HECW1: variants seen among roughly 807,000 people sequenced by gnomAD.
HECW1 encodes the protein HECT, C2 and WW domain containing E3 ubiquitin protein ligase 1.
Under a neutral mutation model 182.3 loss-of-function variants are expected in HECW1, and 61 were observed. The ratio of observed to expected loss-of-function variants is 0.33; its 90% confidence interval spans 0.27 to 0.41. HECW1 has a LOEUF of 0.41. Ranked by LOEUF, HECW1 falls within the 10% of genes least tolerant of loss-of-function variation. The probability of loss-of-function intolerance (pLI) is 1.00; values close to 1 mark genes in which losing one functional copy is unlikely to be tolerated. For synonymous variants in HECW1, 859 were observed against 832.6 expected (o/e 1.03, Z -0.55); for missense variants, 1,739 against 2,108.9 (o/e 0.82, Z 3.44).
intron 6 of HECW1, among the ~76,000 whole-genome samples, chr7:43,373,807 G>A (rs189074923): frequency 1.7e-4 from 26 of 152,020 alleles, no homozygotes; most frequent in Admixed American, 1.0e-3. Context: ...CCCCATCCTC[G>A]GAGCCCTTGG....
At position 43,418,711 on chromosome 7, in the gene HECW1, TTCA is replaced by T. The variant is rs145047546; in HGVS notation, c.801+10985_801+10987del. 4.9e-3 allele frequency among the ~76,000 whole-genome samples: 751 copies of T among 152,354 alleles called. 7 individuals are homozygous for T. Among genetic ancestry groups the T allele is most frequent in the African/African-American group, 0.017 (706 of 41,576 alleles). The stretch of plus-strand genomic sequence containing the variant: ...TGATGATATTTCTTACCTATCTATA[TTCA>T]TCATAAGTTAATATTTTCCTTTACC... On this transcript the variant is annotated intron_variant, in intron 8 of 29. Coordinates refer to ENST00000395891, the MANE Select transcript of HECW1 (RefSeq NM_015052.5).
intron 2 of HECW1, among the ~76,000 whole-genome samples, chr7:43,141,615 C>T (rs1238044094): frequency 2.0e-5 from 3 of 152,014 alleles, no homozygotes; most frequent in Non-Finnish European, 4.4e-5. Flanking sequence ...TCTCCTGCCT[C>T]AAGCATCCTG....
At chr7:43,485,860 A>T (rs1460994199) in intron 17 of HECW1, among the ~76,000 whole-genome samples, 1 of 151,922 alleles carries the variant, frequency 6.6e-6, no homozygotes, top group Non-Finnish European at 1.5e-5. Flanking sequence ...GCTACACTAA[A>T]TTTTTTTTAT....
intron 8 of HECW1, among the ~76,000 whole-genome samples, chr7:43,415,191 A>C (rs1296541139): frequency 6.7e-6 from 1 of 149,422 alleles, no homozygotes; most frequent in East Asian, 1.9e-4. Context: ...CATGTTTAGC[A>C]CTTCCTTCAG....
intron 3 of HECW1, among the ~76,000 whole-genome samples, chr7:43,308,247 T>TG (rs1807995769): frequency 6.1e-5 from 2 of 32,608 alleles, no homozygotes; most frequent in African/African-American, 1.2e-3. Context: ...ATATATAATA[T>TG]ATATATATTA....
chr7:43,386,342 G>C (rs1317223377), intron 6 of HECW1, among the ~76,000 whole-genome samples: 1 of 152,206 alleles, frequency 6.6e-6, no homozygotes, highest in African/African-American at 2.4e-5. Context: ...AATTCTGCCT[G>C]CTGCAAAGGC....
At chr7:43,276,329 C>G (rs573141781) in intron 3 of HECW1, among the ~76,000 whole-genome samples, 1 of 152,256 alleles carries the variant, frequency 6.6e-6, no homozygotes, top group Non-Finnish European at 1.5e-5. Flanking sequence ...GAGAATTCCC[C>G]TTATGTCCCA....
chr7:43,327,671 G>A (rs1419595011), intron 5 of HECW1, among the ~76,000 whole-genome samples: 2 of 152,124 alleles, frequency 1.3e-5, no homozygotes, highest in African/African-American at 2.4e-5. Flanking sequence ...AATCTTGCTA[G>A]AGAGGCATCC....
chr7:43,486,491 C>T (rs113691110), intron 17 of HECW1, among the ~76,000 whole-genome samples: 24,889 of 152,118 alleles, frequency 0.16, 2,607 homozygotes, highest in South Asian at 0.23. Context: ...TTAGTAGAGA[C>T]GGGGTTTCAC....
At chr7:43,380,001 C>T (rs534628205) in intron 6 of HECW1, among the ~76,000 whole-genome samples, 121 of 152,332 alleles carry the variant, frequency 7.9e-4, no homozygotes, top group African/African-American at 2.8e-3. Flanking sequence ...TTGTATCCAA[C>T]AAACATGGGT....
At chr7:43,292,295 G>T (rs1258925449) in intron 3 of HECW1, among the ~76,000 whole-genome samples, 1 of 152,174 alleles carries the variant, frequency 6.6e-6, no homozygotes, top group Non-Finnish European at 1.5e-5. Context: ...GCTCAGAGAG[G>T]CCAACTAGCT....
chr7:43,469,495 G>A (rs1424924797), intron 16 of HECW1, among the ~76,000 whole-genome samples: 1 of 152,206 alleles, frequency 6.6e-6, no homozygotes, highest in Non-Finnish European at 1.5e-5. Context: ...CTCAGGGGAT[G>A]AACTCATTGG....
At chr7:43,554,871 C>A in intron 29 of HECW1, 81 bp downstream of exon 29, 2 of 1,303,536 alleles carry the variant, frequency 1.5e-6, no homozygotes, top group Non-Finnish European at 2.1e-6. Flanking sequence ...GAGTGACCAT[C>A]CTTTGGGATG....
At chr7:43,387,714 C>CA (rs1293326126) in intron 6 of HECW1, among the ~76,000 whole-genome samples, 1 of 152,200 alleles carries the variant, frequency 6.6e-6, no homozygotes, top group African/African-American at 2.4e-5. Flanking sequence ...CAAAGGGCAA[C>CA]AGATTTCTCC....
intron 5 of HECW1, among the ~76,000 whole-genome samples, chr7:43,321,698 G>A (rs1461565783): frequency 6.6e-6 from 1 of 152,190 alleles, no homozygotes; most frequent in South Asian, 2.1e-4. Flanking sequence ...TGCATGGCTA[G>A]GAATCTGAAG....
At position 43,164,491 on chromosome 7, in the gene HECW1, G is replaced by A. The variant is rs1342935616; in HGVS notation, c.-32+50100G>A. Reference sequence around the variant, plus strand: ...TCTGGATCGAGCCTTGAGTGGAGGGGGCTGCTCGGCATCTGTGCTGTGTGC... The same window carrying A: ...TCTGGATCGAGCCTTGAGTGGAGGGAGCTGCTCGGCATCTGTGCTGTGTGC... On this transcript the variant is annotated intron_variant, in intron 2 of 29. Coordinates refer to ENST00000395891, the MANE Select transcript of HECW1 (RefSeq NM_015052.5). Among the ~76,000 whole-genome samples, 12 of 152,258 alleles carry A rather than the reference G, an allele frequency of 7.9e-5. No individual in the cohort carries two copies. In the East Asian group the frequency reaches 1.6e-3, roughly 20 times the overall value.
At chr7:43,526,905 A>G (rs73100742) in intron 24 of HECW1, among the ~76,000 whole-genome samples, 24,242 of 152,124 alleles carry the variant, frequency 0.16, 2,518 homozygotes, top group Non-Finnish European at 0.24. Context: ...CTAAGGCGAG[A>G]GGATCACTTA....
chr7:43,533,834 C>T (rs1272913597), intron 24 of HECW1, among the ~76,000 whole-genome samples: 1 of 152,120 alleles, frequency 6.6e-6, no homozygotes, highest in Non-Finnish European at 1.5e-5. Context: ...CTTTGGGTCT[C>T]CCAAGTCTGA....
intron 24 of HECW1, chr7:43,523,025 T>A (rs1479077301): frequency 2.2e-6 from 1 of 447,290 alleles, no homozygotes; most frequent in Non-Finnish European, 4.5e-6. Context: ...TGTTTTGAGA[T>A]GGAATTTCGC....
Sources: allele counts gnomAD v4.1 joint callset (sites outside exome capture counted in the v4.1 genomes callset), GRCh38; gene constraint gnomAD v4.1.1; transcripts MANE v1.5; gene names NCBI Gene and HGNC (gene_info 2026-07-23, HGNC 2026-07-21).